Variants in RIN2 observed in about 807,000 individuals in gnomAD.
The protein encoded by RIN2 is Ras and Rab interactor 2.
Under a neutral mutation model 78.0 loss-of-function variants are expected in RIN2, and 36 were observed. That is an observed-to-expected ratio of 0.46 (90% confidence interval 0.35 to 0.61). The LOEUF is 0.61. Among genes scored for constraint, RIN2 ranks in the 20% least tolerant of loss-of-function variants. The pLI is 0.00. For synonymous variants in RIN2, 466 were observed against 466.8 expected (o/e 1.00, Z 0.02); for missense variants, 1,087 against 1,159.7 (o/e 0.94, Z 0.91).
chr20:19,775,342 G>A (rs1019666259), intron 1 of RIN2, among the ~76,000 whole-genome samples: 3 of 152,230 alleles, frequency 2.0e-5, no homozygotes, highest in Non-Finnish European at 4.4e-5. Context: ...TTGACTGCTG[G>A]TTCATTTCAC....
At chr20:19,833,699 C>T (rs2036319651) in intron 2 of RIN2, among the ~76,000 whole-genome samples, 1 of 152,220 alleles carries the variant, frequency 6.6e-6, no homozygotes, top group African/African-American at 2.4e-5. Context: ...ATCTTCAAGC[C>T]TGGGCTGGTG....
At chr20:19,932,540 C>T (rs2040480492) in intron 3 of RIN2, among the ~76,000 whole-genome samples, 1 of 152,130 alleles carries the variant, frequency 6.6e-6, no homozygotes, top group Non-Finnish European at 1.5e-5. Flanking sequence ...GGCCCCAGTG[C>T]TTCTGGAAGC....
intron 2 of RIN2, among the ~76,000 whole-genome samples, chr20:19,819,123 T>C (rs1456709220): frequency 6.6e-6 from 1 of 152,218 alleles, no homozygotes; most frequent in African/African-American, 2.4e-5. Flanking sequence ...TTAGAAGGTG[T>C]CTTAGCTCAG....
chr20:19,865,084 G>A (rs2037460696), intron 2 of RIN2, among the ~76,000 whole-genome samples: 1 of 152,174 alleles, frequency 6.6e-6, no homozygotes, highest in African/African-American at 2.4e-5. Flanking sequence ...TGCTGTAAAT[G>A]TTTACGACTC....
intron 12 of RIN2, 132 bp downstream of exon 12, chr20:19,996,974 T>C (rs920764467): frequency 3.3e-6 from 3 of 895,638 alleles, no homozygotes; most frequent in Non-Finnish European, 5.0e-6. Context: ...CAAACCACCC[T>C]CTGGCCTTGT....
chr20:19,939,133 G>A (rs2040764113), intron 4 of RIN2, among the ~76,000 whole-genome samples: 1 of 152,154 alleles, frequency 6.6e-6, no homozygotes, highest in Non-Finnish European at 1.5e-5. Context: ...TGCAACCTCT[G>A]CCTCCCAGGT....
chr20:19,865,037 A>C (rs1203273560), intron 2 of RIN2, among the ~76,000 whole-genome samples: 1 of 152,164 alleles, frequency 6.6e-6, no homozygotes, highest in Non-Finnish European at 1.5e-5. Context: ...TCCCTTTTAC[A>C]TCAAAGATGC....
intron 2 of RIN2, among the ~76,000 whole-genome samples, chr20:19,844,653 T>TCTTC (rs1555832249): frequency 6.3e-5 from 7 of 111,386 alleles, no homozygotes; most frequent in African/African-American, 2.2e-4. Flanking sequence ...TTCTTCTTCT[T>TCTTC]CTTCTTCTTC....
intron 2 of RIN2, among the ~76,000 whole-genome samples, chr20:19,843,599 T>G (rs763163863): frequency 2.0e-4 from 30 of 152,220 alleles, no homozygotes; most frequent in Non-Finnish European, 1.5e-4. Flanking sequence ...AAACATAACT[T>G]CTACATGCAC....
At chr20:19,989,657 A>G (rs73901360) in intron 9 of RIN2, among the ~76,000 whole-genome samples, 3,123 of 152,274 alleles carry the variant, frequency 0.021, 124 homozygotes, top group African/African-American at 0.071. Flanking sequence ...TCTCCTGTTA[A>G]TTGGATGACC....
chr20:19,976,628 CTTTG>C (rs750825728), intron 9 of RIN2, among the ~76,000 whole-genome samples: 5 of 151,946 alleles, frequency 3.3e-5, no homozygotes, highest in Admixed American at 6.6e-5. Context: ...GTTGAAGGTT[CTTTG>C]TTTGTTTGTT....
chr20:19,815,615 G>A (rs2035743239), intron 2 of RIN2, among the ~76,000 whole-genome samples: 1 of 152,196 alleles, frequency 6.6e-6, no homozygotes, highest in African/African-American at 2.4e-5. Flanking sequence ...GCTGATGCGT[G>A]CATGTGTGTG....
At chr20:19,842,559 A>T (rs2036617192) in intron 2 of RIN2, among the ~76,000 whole-genome samples, 1 of 151,954 alleles carries the variant, frequency 6.6e-6, no homozygotes, top group Non-Finnish European at 1.5e-5. Context: ...TGTTTACAGG[A>T]TGGTTTACTG....
chr20:19,905,273 T>A (rs1366698021), intron 3 of RIN2, among the ~76,000 whole-genome samples: 1 of 152,238 alleles, frequency 6.6e-6, no homozygotes, highest in Non-Finnish European at 1.5e-5. Context: ...TCCTGTCATG[T>A]GCATTTTTCA....
intron 2 of RIN2, among the ~76,000 whole-genome samples, chr20:19,872,682 G>A (rs942030122): frequency 2.6e-5 from 4 of 152,240 alleles, no homozygotes; most frequent in Middle Eastern, 3.4e-3. Flanking sequence ...GTGGCCCCCA[G>A]CTATACATGT....
intron 2 of RIN2, among the ~76,000 whole-genome samples, chr20:19,870,176 G>A (rs543863784): frequency 3.3e-5 from 5 of 152,224 alleles, no homozygotes; most frequent in Non-Finnish European, 5.9e-5. Context: ...CCCACAGTTC[G>A]ATGACCCAAG....
intron 3 of RIN2, among the ~76,000 whole-genome samples, chr20:19,933,653 C>G (rs984840984): frequency 6.6e-6 from 1 of 152,108 alleles, no homozygotes; most frequent in Non-Finnish European, 1.5e-5. Flanking sequence ...TAGATGGGGT[C>G]ACATTTTAGA....
At chr20:19,832,495 C>A (rs2036279650) in intron 2 of RIN2, among the ~76,000 whole-genome samples, 1 of 151,410 alleles carries the variant, frequency 6.6e-6, no homozygotes, top group Non-Finnish European at 1.5e-5. Flanking sequence ...AAACCAACCA[C>A]TCTGTAGCCC....
chr20:19,912,911 T>C (rs1334640749), intron 3 of RIN2, among the ~76,000 whole-genome samples: 1 of 152,204 alleles, frequency 6.6e-6, no homozygotes, highest in Admixed American at 6.5e-5. Context: ...CTGCATGTTG[T>C]CCACAGCATC....
Sources: allele counts gnomAD v4.1 joint callset (sites outside exome capture counted in the v4.1 genomes callset), GRCh38; gene constraint gnomAD v4.1.1; transcripts MANE v1.5; gene names NCBI Gene and HGNC (gene_info 2026-07-23, HGNC 2026-07-21).